CACNB2: variants seen among roughly 807,000 people sequenced by gnomAD.
CACNB2 encodes the protein calcium voltage-gated channel auxiliary subunit beta 2.
Under a neutral mutation model 73.3 loss-of-function variants are expected in CACNB2, and 42 were observed. The ratio of observed to expected loss-of-function variants is 0.57; its 90% CI spans 0.45 to 0.74. CACNB2 has a LOEUF of 0.74. Among genes scored for constraint, CACNB2 ranks in the 30% least tolerant of loss-of-function variants. The pLI is 0.00. For synonymous variants in CACNB2, 348 were observed against 310.3 expected, an observed-to-expected ratio of 1.12 and a Z score of -1.28; for missense variants, 940 against 853.0, an observed-to-expected ratio of 1.10 and a Z score of -1.27.
At chr10:18,353,647 A>C (rs1310636078) in intron 2 of CACNB2, among the ~76,000 whole-genome samples, 3 of 152,212 alleles carry the variant, frequency 2.0e-5, no homozygotes, top group Non-Finnish European at 4.4e-5. Context: ...CACATGGTTG[A>C]TAAGAAAGAA....
chr10:18,499,613 CAAAGAAAA>C (rs1280695855), intron 4 of CACNB2, among the ~76,000 whole-genome samples: 2 of 21,382 alleles, frequency 9.4e-5, no homozygotes. Context: ...GATTCTGTCT[CAAAGAAAA>C]AAAAAAAAAA....
chr10:18,470,585 A>G (rs2048132916), intron 3 of CACNB2, among the ~76,000 whole-genome samples: 1 of 151,888 alleles, frequency 6.6e-6, no homozygotes, highest in African/African-American at 2.4e-5. Flanking sequence ...TCACCTTTCT[A>G]TCTAAACCTG....
chr10:18,485,887 T>C (rs1398708615), intron 3 of CACNB2, among the ~76,000 whole-genome samples: 3 of 150,520 alleles, frequency 2.0e-5, no homozygotes, highest in Non-Finnish European at 2.9e-5. Flanking sequence ...CCAGCCTCCA[T>C]AGTCTCTTAC....
At chr10:18,148,796 A>C (rs1385955325) in intron 1 of CACNB2, among the ~76,000 whole-genome samples, 1 of 152,044 alleles carries the variant, frequency 6.6e-6, no homozygotes, top group Non-Finnish European at 1.5e-5. Context: ...TGAGTTCAAG[A>C]CCAGCCTAGG....
chr10:18,277,806 T>G (rs1202433224), intron 2 of CACNB2, among the ~76,000 whole-genome samples: 1 of 152,240 alleles, frequency 6.6e-6, no homozygotes, highest in African/African-American at 2.4e-5. Flanking sequence ...GTCTGGCAGC[T>G]AGAATGAGAC....
At chr10:18,494,395 C>T (rs2049646559) in intron 3 of CACNB2, among the ~76,000 whole-genome samples, 1 of 151,964 alleles carries the variant, frequency 6.6e-6, no homozygotes, top group Non-Finnish European at 1.5e-5. Flanking sequence ...TTTGGGAGGC[C>T]GAGGTGGGTG....
intron 2 of CACNB2, among the ~76,000 whole-genome samples, chr10:18,227,461 G>A (rs2036039155): frequency 6.6e-6 from 1 of 152,170 alleles, no homozygotes; most frequent in Non-Finnish European, 1.5e-5. Flanking sequence ...GAGGAGGAAA[G>A]CGCAGAGATG....
At chr10:18,288,209 C>A (rs185682701) in intron 2 of CACNB2, among the ~76,000 whole-genome samples, 69 of 152,298 alleles carry the variant, frequency 4.5e-4, no homozygotes, top group Middle Eastern at 3.4e-3. Context: ...TTCAACACAG[C>A]TTTTTGTGGG....
At chr10:18,198,277 A>T (rs1191594068) in intron 2 of CACNB2, among the ~76,000 whole-genome samples, 1 of 151,348 alleles carries the variant, frequency 6.6e-6, no homozygotes, top group African/African-American at 2.4e-5. Flanking sequence ...TTAATAGTAT[A>T]ATATATATTT....
chr10:18,188,253 T>G (rs1019949285), intron 2 of CACNB2, among the ~76,000 whole-genome samples: 1 of 151,798 alleles, frequency 6.6e-6, no homozygotes, highest in Non-Finnish European at 1.5e-5. Flanking sequence ...CCTACCTGCC[T>G]TCTTTCCTTC....
At position 18,210,443 on chromosome 10, in the gene CACNB2, C is replaced by T. The variant is rs967238230; in HGVS notation, c.213+59468C>T. Among the ~76,000 whole-genome samples the T allele has an allele frequency of 2.0e-5, 3 of 151,636 alleles. No homozygotes were observed. The East Asian group carries it at 5.8e-4, about 29-fold the overall frequency. Reference sequence around the variant, plus strand: ...AAAGGTGAAGAATGGTTTTTTTTCCCATAGGCCTTAGAAGCTGGTGGGGGT... The same window carrying T: ...AAAGGTGAAGAATGGTTTTTTTTCCTATAGGCCTTAGAAGCTGGTGGGGGT... On this transcript the variant is annotated intron_variant, in intron 2 of 13. Transcript: ENST00000324631.
intron 2 of CACNB2, among the ~76,000 whole-genome samples, chr10:18,169,956 C>A (rs1314606798): frequency 2.6e-5 from 4 of 152,200 alleles, no homozygotes; most frequent in Admixed American, 6.5e-5. Context: ...CATCTCTGGC[C>A]TCTACTGTCT....
chr10:18,202,850 G>A lies in CACNB2; in HGVS notation c.213+51875G>A, dbSNP rs114577918. 6.3e-3 allele frequency among the ~76,000 whole-genome samples: 962 copies of A among 152,292 alleles called. 11 individuals are homozygous for A. The highest frequency in any genetic ancestry group is 0.022 in the African/African-American group (914 of 41,564). On this transcript the variant is annotated intron_variant, in intron 2 of 13. Transcript: ENST00000324631. ...AGGAAGCACATACTTTGTAATCTGT[G>A]ACATTTTTATGCTGAAATTCCCTTT... is the stretch of plus-strand genomic sequence containing the variant.
At position 18,518,423 on chromosome 10, in the gene CACNB2, A is replaced by G. The variant is rs370840849; in HGVS notation, c.885+7A>G. On this transcript the variant is annotated splice_region_variant and intron_variant, in intron 8 of 13. Transcript: ENST00000324631. ...TTCTCTGAAGGGCTACGAGGTGGGT[A>G]GCAGCCTTCCACAGGAAGCTTAACT... 3 of 1,587,816 alleles carry G rather than the reference A, an allele frequency of 1.9e-6. No homozygotes were observed. Among genetic ancestry groups the G allele is most frequent in the Non-Finnish European group, 2.6e-6 (3 of 1,156,348 alleles).
chr10:18,390,028 T>C (rs1320390277), intron 2 of CACNB2, among the ~76,000 whole-genome samples: 2 of 152,232 alleles, frequency 1.3e-5, no homozygotes, highest in Non-Finnish European at 2.9e-5. Context: ...ACTGAAGCCA[T>C]ATCCCTTTTC....
chr10:18,454,179 T>C (rs145712834), intron 3 of CACNB2, among the ~76,000 whole-genome samples: 8 of 152,328 alleles, frequency 5.3e-5, no homozygotes, highest in African/African-American at 1.9e-4. Context: ...AGAAGGGTTC[T>C]GTCCCTTAGG....
intron 2 of CACNB2, among the ~76,000 whole-genome samples, chr10:18,325,656 T>C (rs1291311294): frequency 2.0e-5 from 3 of 149,248 alleles, no homozygotes; most frequent in African/African-American, 7.4e-5. Context: ...TTTCCTTCTC[T>C]CTCTCTCTTT....
chr10:18,499,966 G>A (rs925219944), intron 4 of CACNB2, among the ~76,000 whole-genome samples: 4 of 152,058 alleles, frequency 2.6e-5, no homozygotes, highest in African/African-American at 9.7e-5. Flanking sequence ...GCAAGACCCT[G>A]TCTTGATTAA....
At chr10:18,357,710 C>A (rs758942826) in intron 2 of CACNB2, among the ~76,000 whole-genome samples, 1 of 152,162 alleles carries the variant, frequency 6.6e-6, no homozygotes, top group Admixed American at 6.5e-5. Flanking sequence ...CACATGAATT[C>A]CAGCAGGATA....
Sources: gnomAD v4.1 joint callset for allele counts (sites outside exome capture counted in the v4.1 genomes callset) on GRCh38, gnomAD v4.1.1 for gene constraint, MANE v1.5 for transcripts, NCBI Gene and HGNC (gene_info 2026-07-23, HGNC 2026-07-21) for gene names.